Variants in SPECC1 observed in about 807,000 individuals in gnomAD.
SPECC1 encodes cytospin-B.
In SPECC1, 62 loss-of-function variants were observed where a neutral mutation model predicts 104.1. The observed-to-expected ratio is 0.60, with a 90% CI of 0.49 to 0.74. SPECC1 has a LOEUF of 0.74. SPECC1 is among the 30% of genes least tolerant of loss of function. The pLI, the probability that SPECC1 is intolerant of heterozygous loss-of-function variation, is 0.00. For missense variants in SPECC1, 1,306 were observed against 1,310.5 expected (o/e 1.00, Z 0.05); for synonymous variants, 513 against 501.6 (o/e 1.02, Z -0.30).
At chr17:20,085,156 G>T (rs2047128126) in intron 1 of SPECC1, among the ~76,000 whole-genome samples, 1 of 152,206 alleles carries the variant, frequency 6.6e-6, no homozygotes. Flanking sequence ...TGTGCCTGGG[G>T]TCAAAGTGCA....
chr17:20,025,873 T>G (rs564767173), intron 1 of SPECC1, among the ~76,000 whole-genome samples: 1 of 152,282 alleles, frequency 6.6e-6, no homozygotes, highest in African/African-American at 2.4e-5. Context: ...CCAACATTTG[T>G]TATTACCTTT....
At chr17:20,192,421 G>C (rs2035736446) in intron 3 of SPECC1, among the ~76,000 whole-genome samples, 2 of 152,076 alleles carry the variant, frequency 1.3e-5, no homozygotes, top group South Asian at 4.1e-4. Flanking sequence ...CCCCAATTTT[G>C]TTGATTCCTC....
chr17:20,174,843 G>C (rs150851110), intron 3 of SPECC1, among the ~76,000 whole-genome samples: 1 of 151,980 alleles, frequency 6.6e-6, no homozygotes, highest in Non-Finnish European at 1.5e-5. Context: ...GCTCCTTGCC[G>C]ACCTCACCAG....
intron 2 of SPECC1, 139 bp from the exon 3 acceptor site, chr17:20,110,288 C>A: frequency 9.6e-7 from 1 of 1,044,654 alleles, no homozygotes; most frequent in African/African-American, 1.6e-5. Context: ...TTTCACTTCA[C>A]TCTATCATGC....
chr17:20,029,214 A>G lies in SPECC1; in HGVS notation c.-22+19790A>G, dbSNP rs1010592579. On this transcript the variant is annotated intron_variant, in intron 1 of 14. Transcript: ENST00000395527. ...AACAGTGTTTTGTAGCTTCTAGAGTATAAGTTTTGCACTTACTTGAATAAA... is the reference window on the plus strand; with the variant it reads ...AACAGTGTTTTGTAGCTTCTAGAGTGTAAGTTTTGCACTTACTTGAATAAA... 5.9e-5 allele frequency among the ~76,000 whole-genome samples: 9 copies of G among 152,338 alleles called. No homozygotes were observed. In the East Asian group the frequency reaches 9.6e-4, roughly 16 times the overall value.
chr17:20,279,309 C>CTTTT (rs558884865), intron 12 of SPECC1, among the ~76,000 whole-genome samples: 47 of 131,766 alleles, frequency 3.6e-4, no homozygotes, highest in Non-Finnish European at 4.7e-4. Flanking sequence ...ACTTTTCTTT[C>CTTTT]TTTTTTTTTT....
intron 3 of SPECC1, among the ~76,000 whole-genome samples, chr17:20,182,649 T>C (rs2034988570): frequency 5.9e-5 from 9 of 152,246 alleles, no homozygotes; most frequent in Admixed American, 5.9e-4. Flanking sequence ...ACTGACCTAA[T>C]GTCATATAAG....
At chr17:20,020,466 G>C (rs2044329405) in intron 1 of SPECC1, among the ~76,000 whole-genome samples, 1 of 152,042 alleles carries the variant, frequency 6.6e-6, no homozygotes, top group African/African-American at 2.4e-5. Flanking sequence ...CTCCAGAGTA[G>C]CTAACTACAG....
intron 1 of SPECC1, among the ~76,000 whole-genome samples, chr17:20,045,390 T>TTG (rs2045499724): frequency 6.6e-6 from 1 of 152,194 alleles, no homozygotes; most frequent in Admixed American, 6.5e-5. Flanking sequence ...AAATACCATT[T>TTG]TGTGTGTGTA....
Position 20,202,045 on chromosome 17 carries a change from T to G in SPECC1, c.284-2288T>G, listed in dbSNP as rs141702761. ...TACCATAAAATATACACAAATCTAT[T>G]ATAAAAAGTTAAAATTTGTCTAAAC... On this transcript the variant is annotated intron_variant, in intron 3 of 14. Transcript: ENST00000395527. 1.4e-3 allele frequency among the ~76,000 whole-genome samples: 219 copies of G among 152,342 alleles called. 1 individual carries two copies. The highest frequency in any genetic ancestry group is 5.1e-3 in the African/African-American group (213 of 41,580).
chr17:20,270,296 T>TA (rs1567596228), intron 12 of SPECC1, among the ~76,000 whole-genome samples: 9 of 150,218 alleles, frequency 6.0e-5, no homozygotes, highest in African/African-American at 1.0e-4. Flanking sequence ...TTAATTTTTT[T>TA]TAAAAAAAAC....
intron 1 of SPECC1, among the ~76,000 whole-genome samples, chr17:20,092,259 G>A (rs561035094): frequency 1.6e-5 from 2 of 128,750 alleles, no homozygotes; most frequent in East Asian, 2.2e-4. Context: ...TTCCTTGATC[G>A]ATGTGATCCT....
At chr17:20,032,819 A>AT (rs1162087274) in intron 1 of SPECC1, among the ~76,000 whole-genome samples, 1 of 151,740 alleles carries the variant, frequency 6.6e-6, no homozygotes, top group African/African-American at 2.4e-5. Context: ...GTGATACCCC[A>AT]TCCTATCATA....
intron 1 of SPECC1, among the ~76,000 whole-genome samples, chr17:20,059,597 C>T (rs998921706): frequency 1.5e-4 from 23 of 152,194 alleles, no homozygotes. Flanking sequence ...CCTTTTCTTT[C>T]TGGTCCTCCT....
intron 1 of SPECC1, among the ~76,000 whole-genome samples, chr17:20,058,214 TCCTTGCGAGCA>T (rs2046041075): frequency 1.3e-5 from 2 of 152,250 alleles, no homozygotes; most frequent in African/African-American, 4.8e-5. Context: ...ATTTTAAATA[TCCTTGCGAGCA>T]CCTTTCTCCT....
chr17:20,156,176 T>C, intron 3 of SPECC1: 1 of 1,444,182 alleles, frequency 6.9e-7, no homozygotes, highest in South Asian at 1.4e-5. Flanking sequence ...GCAAGCCGGC[T>C]GGTGCCCGAG....
intron 7 of SPECC1, 117 bp from the exon 8 acceptor site, chr17:20,245,809 G>C: frequency 9.0e-6 from 11 of 1,228,398 alleles, no homozygotes; most frequent in Non-Finnish European, 1.2e-5. Flanking sequence ...GTTAAATTCA[G>C]AATTTCCCTT....
chr17:20,096,424 T>C (rs1414047265), intron 1 of SPECC1, among the ~76,000 whole-genome samples: 2 of 152,192 alleles, frequency 1.3e-5, no homozygotes, highest in Non-Finnish European at 2.9e-5. Flanking sequence ...TTCAGTAGTT[T>C]GGTAAAAGCT....
chr17:20,111,145 A>G (rs1188871747), intron 3 of SPECC1, among the ~76,000 whole-genome samples: 1 of 152,232 alleles, frequency 6.6e-6, no homozygotes, highest in South Asian at 2.1e-4. Flanking sequence ...CAAAGAATTT[A>G]TTTAATTCTC....
Sources: gnomAD v4.1 joint callset for allele counts (sites outside exome capture counted in the v4.1 genomes callset) on GRCh38, gnomAD v4.1.1 for gene constraint, MANE v1.5 for transcripts, NCBI Gene and HGNC (gene_info 2026-07-23, HGNC 2026-07-21) for gene names.